Variants in CSF1R observed in about 807,000 individuals in gnomAD.
CSF1R encodes macrophage colony-stimulating factor 1 receptor.
Under a neutral mutation model 110.0 loss-of-function variants are expected in CSF1R, and 40 were observed. The observed-to-expected ratio is 0.36, with a 90% CI of 0.28 to 0.47. The LOEUF (loss-of-function observed/expected upper bound fraction) is 0.47. Ranked by LOEUF, CSF1R falls within the 20% of genes least tolerant of loss-of-function variation. The pLI, the probability that CSF1R is intolerant of heterozygous loss-of-function variation, is 0.99. For synonymous variants in CSF1R, 523 were observed against 503.4 expected, an observed-to-expected ratio of 1.04 and a Z score of -0.52; for missense variants, 1,052 against 1,253.0, an observed-to-expected ratio of 0.84 and a Z score of 2.42.
Position 150,053,775 on chromosome 5 carries a change from A to G in CSF1R, c.*294T>C. On this transcript the variant is annotated 3_prime_UTR_variant, in exon 21 of 21. Coordinates refer to ENST00000675795, the MANE Select transcript of CSF1R (RefSeq NM_001288705.3). The stretch of plus-strand genomic sequence containing the variant: ...TTCCATGAAGATAAGGGGATTAGGA[A>G]AGAAGGTTCTACTAGTTGGCATAGC... 2.0e-6 allele frequency: 1 copy of G among 500,322 alleles called. No homozygotes were observed. The highest frequency in any genetic ancestry group is 3.6e-6 in the Non-Finnish European group (1 of 276,006). 31.0% of individuals were successfully genotyped at this position (500,322 alleles called of 1,614,324 possible). A position where few individuals can be genotyped will look rare whatever the true frequency, so the allele number is the denominator to read the frequency against.
rs1191178787 is a variant in CSF1R at position 150,060,911 on chromosome 5, C to T, written c.1920G>A (p.Leu640=). ...LMSELKIMSH[L]GQHENIVNLL... ...GGTTGACGATGTTCTCGTGCTGGCC[C>T]AGGTGGCTCATGATCTTCAGCTCGG... The change falls in exon 13 of 21, where the codon CTG becomes CTA. Residue 640 remains leucine (L), a synonymous_variant. Coordinates refer to ENST00000675795, the MANE Select transcript of CSF1R (RefSeq NM_001288705.3). 2 of 1,611,590 alleles carry T rather than the reference C, an allele frequency of 1.2e-6. No homozygotes were observed. The highest frequency in any genetic ancestry group is 1.7e-5 in the Admixed American group (1 of 59,782).
chr5:150,058,820 C>T (rs1408702385), intron 14 of CSF1R, among the ~76,000 whole-genome samples: 1 of 152,000 alleles, frequency 6.6e-6, no homozygotes, highest in African/African-American at 2.4e-5. Flanking sequence ...GTCCTGACCC[C>T]ACAAGCCCCT....
intron 1 of CSF1R, among the ~76,000 whole-genome samples, chr5:150,111,131 G>A (rs1453173467): frequency 1.3e-5 from 2 of 152,136 alleles, no homozygotes; most frequent in East Asian, 3.9e-4. Flanking sequence ...AAAATAAAAG[G>A]GGCCTGTTAG....
rs1757482628 is a variant in CSF1R, at chr5:150,060,906, T to C, written c.1925A>G (p.Gln642Arg). The C allele has an allele frequency of 3.1e-6, 5 of 1,611,610 alleles. No homozygotes were observed. Among genetic ancestry groups the C allele is most frequent in the Non-Finnish European group, 4.2e-6 (5 of 1,178,938 alleles). Residue 642 changes from glutamine to arginine, a missense_variant, in exon 13 of 21, where the codon CAG becomes CGG. This residue lies in a region of CSF1R where 76 missense variants were observed against 133.6 expected (regional missense o/e 0.57). Coordinates refer to ENST00000675795, the MANE Select transcript of CSF1R (RefSeq NM_001288705.3). ...CAGAAGGTTGACGATGTTCTCGTGC[T>C]GGCCCAGGTGGCTCATGATCTTCAG... ...SELKIMSHLG[Q>R]HENIVNLLGA...
intron 1 of CSF1R, among the ~76,000 whole-genome samples, chr5:150,110,906 C>A (rs998244830): frequency 2.2e-4 from 33 of 148,422 alleles, no homozygotes; most frequent in African/African-American, 8.4e-4. Context: ...ATACTTGTAT[C>A]AAGTAGTTTT....
At chr5:150,073,157 C>G in intron 6 of CSF1R, 144 bp downstream of exon 6, 1 of 745,406 alleles carries the variant, frequency 1.3e-6, no homozygotes, top group Non-Finnish European at 2.2e-6. Flanking sequence ...TCCATGAAGT[C>G]AGGGAAAGCG....
intron 1 of CSF1R, chr5:150,095,169 A>G (rs1385380684): frequency 1.5e-6 from 1 of 645,472 alleles, no homozygotes; most frequent in African/African-American, 1.8e-5. Context: ...CAAAACTGAT[A>G]GACCCGAAAG....
Position 150,053,305 on chromosome 5 carries a change from C to CTGTT in CSF1R, c.*760_*763dup, listed in dbSNP as rs1322453801. The stretch of plus-strand genomic sequence containing the variant: ...GAACCAGAGGCTGACTGCATTAATG[C>CTGTT]TGTTAGTTTAATGTGGACAGAGACA... On this transcript the variant is annotated 3_prime_UTR_variant, in exon 21 of 21. Coordinates refer to ENST00000675795, the MANE Select transcript of CSF1R (RefSeq NM_001288705.3). 13 of 232,860 alleles carry CTGTT rather than the reference C, an allele frequency of 5.6e-5. No individual in the cohort carries two copies. Among genetic ancestry groups the CTGTT allele is most frequent in the East Asian group, 6.1e-5 (1 of 16,474 alleles). 14.4% of individuals were successfully genotyped at this position (232,860 alleles called of 1,614,324 possible).
At position 150,077,428 on chromosome 5, in the gene CSF1R, A is replaced by T; in HGVS notation, c.737T>A (p.Ile246Asn). 6.2e-7 allele frequency: 1 copy of T among 1,611,152 alleles called. No individual in the cohort carries two copies. Among genetic ancestry groups the T allele is most frequent in the Non-Finnish European group, 8.5e-7 (1 of 1,177,396 alleles). ...FLQHNNTKLA[I>N]PQQSDFHNNR... ...ATTATGAAAGTCAGATTGTTGAGGG[A>T]TTGCGAGCTGCAGCCAGAAGGAATG... Residue 246 changes from isoleucine (I) to asparagine (N), a missense_variant, in exon 5 of 21, where the codon ATC becomes AAC. This residue lies in a region of CSF1R where 693 missense variants were observed against 735.4 expected (regional missense o/e 0.94). Transcript: ENST00000675795.
intron 1 of CSF1R, among the ~76,000 whole-genome samples, chr5:150,083,618 T>C (rs1164020201): frequency 6.6e-6 from 1 of 151,980 alleles, no homozygotes; most frequent in Non-Finnish European, 1.5e-5. Flanking sequence ...GAAAACCATC[T>C]GGCCCCCCTC....
chr5:150,083,230 C>G (rs552188587), intron 1 of CSF1R, among the ~76,000 whole-genome samples: 46 of 151,676 alleles, frequency 3.0e-4, no homozygotes, highest in Middle Eastern at 3.2e-3. Flanking sequence ...TTCTTCCCCC[C>G]TCTCATCTCC....
At chr5:150,107,021 A>G (rs910376207) in intron 1 of CSF1R, among the ~76,000 whole-genome samples, 8 of 152,020 alleles carry the variant, frequency 5.3e-5, no homozygotes, top group Non-Finnish European at 1.0e-4. Context: ...TCTTCTTTAT[A>G]CCCTCTACAC....
rs762188791 is a variant in CSF1R at position 150,077,359 on chromosome 5, T to C, written c.806A>G (p.Asp269Gly). Residue 269 changes from aspartate (D) to glycine (G), a missense_variant, in exon 5 of 21, where the codon GAT becomes GGT. Transcript: ENST00000675795. ...KVLTLNLDQV[D>G]FQHAGNYSCV... ...GGAGTAGTTGCCGGCATGTTGGAAA[T>C]CTACTTGATCGAGGTTGAGGGTCAG... is the stretch of plus-strand genomic sequence containing the variant. 1.2e-6 allele frequency: 2 copies of C among 1,614,166 alleles called. No homozygotes were observed. The highest frequency in any genetic ancestry group is 1.7e-6 in the Non-Finnish European group (2 of 1,180,034).
intron 6 of CSF1R, 53 bp from the exon 7 acceptor site, chr5:150,070,624 G>A (rs1332055974): frequency 7.8e-7 from 1 of 1,274,798 alleles, no homozygotes. Flanking sequence ...TATGGCCCCT[G>A]CCAGGATTGC....
chr5:150,069,850 C>T (rs371438276), intron 9 of CSF1R, 23 bp downstream of exon 9: 616 of 1,572,562 alleles, frequency 3.9e-4, no homozygotes, highest in Non-Finnish European at 5.0e-4. Flanking sequence ...GGGGGCGGTG[C>T]GGGTGCGAAG....
chr5:150,097,841 T>C (rs1376098108), intron 1 of CSF1R, among the ~76,000 whole-genome samples: 5 of 152,224 alleles, frequency 3.3e-5, no homozygotes, highest in East Asian at 3.8e-4. Context: ...CAGGTTAACC[T>C]ACAGATTCAA....
chr5:150,099,672 T>C (rs1016848165), intron 1 of CSF1R, among the ~76,000 whole-genome samples: 1 of 119,104 alleles, frequency 8.4e-6, no homozygotes, highest in Admixed American at 1.3e-4. Context: ...GACACTCTTG[T>C]AAACAGATAG....
At chr5:150,105,122 G>A (rs1185506821) in intron 1 of CSF1R, among the ~76,000 whole-genome samples, 1 of 151,644 alleles carries the variant, frequency 6.6e-6, no homozygotes, top group Admixed American at 6.6e-5. Context: ...GCCCAGGCAG[G>A]TGGATCACGA....
Position 150,057,589 on chromosome 5 carries a change from G to A in CSF1R, c.2136C>T (p.Asp712=), listed in dbSNP as rs772656669. The stretch of plus-strand genomic sequence containing the variant: ...CCACACCCTGGCTGGAGAAGCCACT[G>A]TCCCTACATAGGAGAGAGGGTTGGG... ...IHLEKKYVRR[D]SGFSSQGVDT... is the part of the protein sequence containing the mutation. Residue 712 remains aspartate (D), a synonymous_variant, in exon 15 of 21, where the codon GAC becomes GAT. Coordinates refer to ENST00000675795, the MANE Select transcript of CSF1R (RefSeq NM_001288705.3). The A allele has an allele frequency of 7.4e-6, 12 of 1,613,456 alleles. No individual in the cohort carries two copies. The highest frequency in any genetic ancestry group is 1.0e-5 in the Non-Finnish European group (12 of 1,179,478).
Sources: gnomAD v4.1 joint callset for allele counts (sites outside exome capture counted in the v4.1 genomes callset) on GRCh38, gnomAD v4.1.1 for gene constraint, gnomAD v4.1.1 regional missense constraint, MANE v1.5 for transcripts, NCBI Gene and HGNC (gene_info 2026-07-23, HGNC 2026-07-21) for gene names.